Variants in TRAPPC9 observed in about 807,000 individuals in gnomAD.
TRAPPC9 encodes the protein trafficking protein particle complex subunit 9.
TRAPPC9 carries 83 observed loss-of-function variants against 124.0 expected under a neutral mutation model. The observed-to-expected ratio is 0.67, with a 90% CI of 0.56 to 0.80. The LOEUF (loss-of-function observed/expected upper bound fraction) is 0.80, where lower values mean the gene tolerates loss of function less well. TRAPPC9 is among the 30% of genes least tolerant of loss of function. The pLI, the probability that TRAPPC9 is intolerant of heterozygous loss-of-function variation, is 0.00. For synonymous variants in TRAPPC9, 638 were observed against 617.5 expected (o/e 1.03, Z -0.49); for missense variants, 1,302 against 1,508.3 (o/e 0.86, Z 2.27).
chr8:139,914,581 T>A (rs564485483), intron 19 of TRAPPC9, among the ~76,000 whole-genome samples: 10 of 152,274 alleles, frequency 6.6e-5, no homozygotes, highest in African/African-American at 2.2e-4. Context: ...CCTGAGCATC[T>A]CTGTGGAATG....
chr8:139,996,557 A>C (rs1269364525), intron 18 of TRAPPC9, among the ~76,000 whole-genome samples: 1 of 152,196 alleles, frequency 6.6e-6, no homozygotes, highest in African/African-American at 2.4e-5. Flanking sequence ...GAAAAAAAAA[A>C]CACTCTTATG....
Position 140,171,816 on chromosome 8 carries a change from C to A in TRAPPC9, c.2556+49643G>T, listed in dbSNP as rs887525892. ...TAATATTTATACTTTTTAGTGCATT[C>A]AAAGCAGGACTCTGGGGTAGGAGTA... On this transcript the variant is annotated intron_variant, in intron 17 of 22. Transcript: ENST00000438773. 7.9e-5 allele frequency among the ~76,000 whole-genome samples: 12 copies of A among 152,300 alleles called. No individual in the cohort carries two copies. In the South Asian group the frequency reaches 2.5e-3, roughly 32 times the overall value.
At chr8:140,256,974 C>A (rs185246897) in intron 15 of TRAPPC9, among the ~76,000 whole-genome samples, 2 of 152,300 alleles carry the variant, frequency 1.3e-5, no homozygotes, top group East Asian at 3.9e-4. Flanking sequence ...CCTTCCATGT[C>A]TACTACTTCC....
chr8:140,021,938 T>C (rs1256790583), intron 18 of TRAPPC9, among the ~76,000 whole-genome samples: 1 of 152,182 alleles, frequency 6.6e-6, no homozygotes, highest in Non-Finnish European at 1.5e-5. Context: ...AGCGCACTGG[T>C]GTAAGCCACC....
chr8:139,930,278 G>A (rs1292448856), intron 19 of TRAPPC9, among the ~76,000 whole-genome samples: 1 of 152,178 alleles, frequency 6.6e-6, no homozygotes, highest in Non-Finnish European at 1.5e-5. Flanking sequence ...ATAGTGTGGG[G>A]CAGTGGGGCT....
chr8:139,739,476 C>T (rs191045633), intron 21 of TRAPPC9, among the ~76,000 whole-genome samples: 13 of 152,362 alleles, frequency 8.5e-5, no homozygotes, highest in East Asian at 7.7e-4. Context: ...CTCGGCCCTA[C>T]GAGTTTCCTC....
At chr8:140,298,197 C>G (rs2065866960) in intron 11 of TRAPPC9, among the ~76,000 whole-genome samples, 1 of 152,146 alleles carries the variant, frequency 6.6e-6, no homozygotes, top group African/African-American at 2.4e-5. Flanking sequence ...GTACTCCTAC[C>G]CTAGTTATGC....
At chr8:139,835,777 A>AC (rs1563850818) in intron 21 of TRAPPC9, among the ~76,000 whole-genome samples, 2 of 142,468 alleles carry the variant, frequency 1.4e-5, no homozygotes, top group African/African-American at 3.1e-5. Flanking sequence ...AAAAACAAAA[A>AC]AAAAAAAAGC....
intron 15 of TRAPPC9, among the ~76,000 whole-genome samples, chr8:140,269,456 G>A (rs899645507): frequency 1.3e-5 from 2 of 151,768 alleles, no homozygotes; most frequent in Non-Finnish European, 2.9e-5. Context: ...CAGGAGAATG[G>A]CGTGAACCCG....
intron 17 of TRAPPC9, among the ~76,000 whole-genome samples, chr8:140,171,677 G>A (rs960621004): frequency 6.6e-6 from 1 of 152,154 alleles, no homozygotes; most frequent in Non-Finnish European, 1.5e-5. Flanking sequence ...TGCACTGCCT[G>A]GCAGTGCATC....
chr8:139,748,994 A>ATT (rs1185604224), intron 21 of TRAPPC9, among the ~76,000 whole-genome samples: 2 of 152,082 alleles, frequency 1.3e-5, no homozygotes, highest in Non-Finnish European at 2.9e-5. Flanking sequence ...GGAGGAAGAC[A>ATT]TTTTCCAGAG....
At chr8:140,013,163 C>G (rs1462545558) in intron 18 of TRAPPC9, among the ~76,000 whole-genome samples, 1 of 152,120 alleles carries the variant, frequency 6.6e-6, no homozygotes, top group Non-Finnish European at 1.5e-5. Flanking sequence ...GGTACCTGCT[C>G]GGCAGGTAAG....
intron 17 of TRAPPC9, chr8:140,100,042 G>A (rs2060545916): frequency 6.9e-6 from 1 of 144,876 alleles, no homozygotes; most frequent in African/African-American, 2.6e-5. Flanking sequence ...AAGGGACTGC[G>A]GAACGAGTGC....
At chr8:140,336,614 CTT>C (rs2067048921) in intron 9 of TRAPPC9, among the ~76,000 whole-genome samples, 1 of 152,180 alleles carries the variant, frequency 6.6e-6, no homozygotes, top group Non-Finnish European at 1.5e-5. Context: ...GGATGGCAAA[CTT>C]TTAACACATT....
intron 6 of TRAPPC9, among the ~76,000 whole-genome samples, chr8:140,400,924 T>C (rs756403278): frequency 1.3e-5 from 2 of 152,218 alleles, no homozygotes; most frequent in Admixed American, 1.3e-4. Flanking sequence ...CTCCAAACCT[T>C]ATTTTTATTT....
chr8:140,435,323 T>C (rs1331555799), intron 3 of TRAPPC9, 83 bp from the exon 4 acceptor site: 1 of 1,547,198 alleles, frequency 6.5e-7, no homozygotes, highest in Non-Finnish European at 8.8e-7. Context: ...TGACCCTTCA[T>C]TAGCTCAAAC....
chr8:140,074,716 G>A (rs994197122), intron 17 of TRAPPC9, among the ~76,000 whole-genome samples: 7 of 152,210 alleles, frequency 4.6e-5, no homozygotes, highest in African/African-American at 1.4e-4. Flanking sequence ...ACCTCAGCTC[G>A]GTGGAGTCAC....
intron 19 of TRAPPC9, among the ~76,000 whole-genome samples, chr8:139,968,291 G>T (rs1419838361): frequency 1.3e-5 from 2 of 152,176 alleles, no homozygotes; most frequent in South Asian, 2.1e-4. Flanking sequence ...CCCATGTTTA[G>T]CTGCCTATTA....
At chr8:140,008,929 A>G (rs1244361780) in intron 18 of TRAPPC9, among the ~76,000 whole-genome samples, 1 of 152,168 alleles carries the variant, frequency 6.6e-6, no homozygotes, top group African/African-American at 2.4e-5. Flanking sequence ...CCATACATCT[A>G]TTTCTTTTGC....
Sources: allele counts gnomAD v4.1 joint callset (sites outside exome capture counted in the v4.1 genomes callset), GRCh38; gene constraint gnomAD v4.1.1; transcripts MANE v1.5; gene names NCBI Gene and HGNC (gene_info 2026-07-23, HGNC 2026-07-21).